The following SGO2 variants were observed in gnomAD, a reference collection of about 807,000 sequenced individuals.
The protein encoded by SGO2 is shugoshin 2.
Under a neutral mutation model 99.5 loss-of-function variants are expected in SGO2, and 68 were observed. The observed-to-expected ratio is 0.68, with a 90% CI of 0.56 to 0.84. SGO2 has a LOEUF of 0.84. Among genes scored for constraint, SGO2 ranks in the 40% least tolerant of loss-of-function variants. SGO2 has a pLI of 0.00. For synonymous variants in SGO2, 457 were observed against 487.1 expected, an observed-to-expected ratio of 0.94 and a Z score of 0.81; for missense variants, 1,350 against 1,436.7, an observed-to-expected ratio of 0.94 and a Z score of 0.97.
chr2:200,564,048 G>A (rs1269945760), intron 5 of SGO2, among the ~76,000 whole-genome samples: 1 of 152,100 alleles, frequency 6.6e-6, no homozygotes, highest in Admixed American at 6.5e-5. Context: ...GTTTCTTTGT[G>A]TCTCTATCTC....
intron 5 of SGO2, among the ~76,000 whole-genome samples, chr2:200,546,021 C>A (rs1381407901): frequency 6.6e-6 from 1 of 152,108 alleles, no homozygotes; most frequent in African/African-American, 2.4e-5. Context: ...GTGTGAACTC[C>A]TAGCCAGCCT....
chr2:200,533,964 A>G (rs956252009), intron 2 of SGO2, among the ~76,000 whole-genome samples: 2 of 152,096 alleles, frequency 1.3e-5, no homozygotes, highest in African/African-American at 4.8e-5. Flanking sequence ...ACAACAGGAA[A>G]ATGTTATTAC....
At chr2:200,575,983 C>T in intron 8 of SGO2, 1 of 277,780 alleles carries the variant, frequency 3.6e-6, no homozygotes, top group Non-Finnish European at 7.1e-6. Context: ...TTCATGTATC[C>T]TTTTTGTTGT....
At chr2:200,551,841 T>G (rs912653134) in intron 5 of SGO2, among the ~76,000 whole-genome samples, 5 of 152,220 alleles carry the variant, frequency 3.3e-5, no homozygotes, top group Admixed American at 1.3e-4. Flanking sequence ...TATTCTATTA[T>G]GTGAGTCCTT....
chr2:200,543,761 T>C (rs979600037), intron 5 of SGO2: 1 of 152,210 alleles, frequency 6.6e-6, no homozygotes, highest in African/African-American at 2.4e-5. Context: ...CCTTAGTAGT[T>C]TTTCAAAAGT....
Position 200,533,000 on chromosome 2 carries a change from G to A in SGO2, c.25G>A (p.Gly9Ser). 1.2e-6 allele frequency: 2 copies of A among 1,609,822 alleles called. No homozygotes were observed. ...GATGGAGTGCCCAGTGATGGAAACT[G>A]GCTCACTTTTTACCTCAGGAATTAA... MECPVMET[G>S]SLFTSGIKRH... is the part of the protein sequence containing the mutation. The change falls in exon 2 of 9, where the codon GGC becomes AGC. Residue 9 changes from glycine to serine, a missense_variant. Gly to Ser is a moderately conservative substitution (Grantham distance 56). Coordinates refer to ENST00000357799, the MANE Select transcript of SGO2 (RefSeq NM_152524.6).
At chr2:200,583,106 T>C (rs1206137455) in intron 8 of SGO2, among the ~76,000 whole-genome samples, 1 of 152,176 alleles carries the variant, frequency 6.6e-6, no homozygotes, top group Non-Finnish European at 1.5e-5. Context: ...AACCTGGGTG[T>C]AGGAACATGA....
rs2033467384 is a variant in SGO2 at position 200,572,444 on chromosome 2, C to A, written c.2098C>A (p.Pro700Thr). ...GCAAAAGCAGATCACCAATATGTAC[C>A]CCGTTCAGCAAAATGAATCAAAAGT... ...GLQKQITNMY[P>T]VQQNESKVNK... is the part of the protein sequence containing the mutation. Residue 700 changes from proline (P) to threonine (T), a missense_variant, in exon 7 of 9, where the codon CCC becomes ACC. Transcript: ENST00000357799. 1 of 1,613,070 alleles carries A rather than the reference C, an allele frequency of 6.2e-7. No individual in the cohort carries two copies. The highest frequency in any genetic ancestry group is 8.5e-7 in the Non-Finnish European group (1 of 1,179,476).
chr2:200,555,658 A>C (rs935650642), intron 5 of SGO2, among the ~76,000 whole-genome samples: 2 of 152,154 alleles, frequency 1.3e-5, no homozygotes, highest in Non-Finnish European at 2.9e-5. Flanking sequence ...TTCTGATCCA[A>C]ACATGCAAAC....
intron 1 of SGO2, among the ~76,000 whole-genome samples, chr2:200,530,702 T>C (rs984310514): frequency 2.0e-5 from 3 of 152,150 alleles, no homozygotes; most frequent in Non-Finnish European, 4.4e-5. Context: ...CGTTTGATGT[T>C]CTGGAAGCCA....
At chr2:200,539,548 T>C (rs1375115422) in intron 4 of SGO2, among the ~76,000 whole-genome samples, 1 of 152,168 alleles carries the variant, frequency 6.6e-6, no homozygotes. Flanking sequence ...TGTGGTTCAT[T>C]GTTACTTTTC....
intron 5 of SGO2, among the ~76,000 whole-genome samples, chr2:200,552,946 C>T (rs1297824058): frequency 1.3e-5 from 2 of 152,106 alleles, no homozygotes; most frequent in East Asian, 3.9e-4. Flanking sequence ...GACACATCCG[C>T]ACCCCCCCGC....
intron 8 of SGO2, among the ~76,000 whole-genome samples, chr2:200,582,971 C>T (rs944170679): frequency 2.0e-5 from 3 of 152,088 alleles, no homozygotes; most frequent in East Asian, 3.9e-4. Context: ...AATACACAAA[C>T]GCTTAAAACA....
chr2:200,533,547 G>GTGTGTGTGTGTGTGTGTA (rs1396628320), intron 2 of SGO2, among the ~76,000 whole-genome samples: 7 of 142,952 alleles, frequency 4.9e-5, no homozygotes, highest in African/African-American at 7.8e-5. Context: ...GTGTGTGTGT[G>GTGTGTGTGTGTGTGTGTA]TATACATGTG....
intron 4 of SGO2, among the ~76,000 whole-genome samples, chr2:200,540,380 G>A (rs1360483246): frequency 1.3e-5 from 2 of 152,200 alleles, no homozygotes; most frequent in African/African-American, 4.8e-5. Flanking sequence ...AAGGGGAGGT[G>A]CTGCCTACTG....
At chr2:200,576,143 C>A in intron 8 of SGO2, 3 of 337,596 alleles carry the variant, frequency 8.9e-6, no homozygotes, top group Admixed American at 8.5e-5. Context: ...TATTTTAAAG[C>A]AATAACCAGC....
rs750575556 is a variant in SGO2 at position 200,572,498 on chromosome 2, C to G, written c.2152C>G (p.Arg718Gly). 1.2e-6 allele frequency: 2 copies of G among 1,612,524 alleles called. No homozygotes were observed. Among genetic ancestry groups the G allele is most frequent in the South Asian group, 2.2e-5 (2 of 90,928 alleles). The change falls in exon 7 of 9, where the codon CGG becomes GGG. Residue 718 changes from arginine (R) to glycine (G), a missense_variant. Arg to Gly is a moderately radical substitution (Grantham distance 125, BLOSUM62 -2). Coordinates refer to ENST00000357799, the MANE Select transcript of SGO2 (RefSeq NM_152524.6). Reference sequence around the variant, plus strand: ...TAAGAAGCTTAGGCAGAAAGTAAATCGGAAGACAGAAATAATTTCTGAAGT... The same window carrying G: ...TAAGAAGCTTAGGCAGAAAGTAAATGGGAAGACAGAAATAATTTCTGAAGT... ...VNKKLRQKVN[R>G]KTEIISEVNH...
At chr2:200,560,758 G>A (rs985146738) in intron 5 of SGO2, among the ~76,000 whole-genome samples, 3 of 152,108 alleles carry the variant, frequency 2.0e-5, no homozygotes, top group Non-Finnish European at 4.4e-5. Context: ...TTTGACAAGG[G>A]TTATGCTGGC....
At chr2:200,562,868 T>C (rs1319842224) in intron 5 of SGO2, among the ~76,000 whole-genome samples, 2 of 152,186 alleles carry the variant, frequency 1.3e-5, no homozygotes, top group Admixed American at 1.3e-4. Flanking sequence ...TTGTCTGTTA[T>C]TGGTGTATAG....
Sources: gnomAD v4.1 joint callset for allele counts (sites outside exome capture counted in the v4.1 genomes callset) on GRCh38, gnomAD v4.1.1 for gene constraint, MANE v1.5 for transcripts, NCBI Gene and HGNC (gene_info 2026-07-23, HGNC 2026-07-21) for gene names.